Variants in AKAP19 observed in about 807,000 individuals in gnomAD.
AKAP19 encodes the protein A-kinase anchoring protein 19.
the AKAP19 span, among the ~76,000 whole-genome samples, chr2:190,087,891 C>T: frequency 6.6e-6 from 1 of 152,166 alleles, no homozygotes; most frequent in East Asian, 1.9e-4. Context: ...CTCCAGGGCT[C>T]CTACCATAAT....
At chr2:190,004,685 A>T in the AKAP19 span, among the ~76,000 whole-genome samples, 1 of 151,786 alleles carries the variant, frequency 6.6e-6, no homozygotes, top group African/African-American at 2.4e-5. Flanking sequence ...GTTTCACGGA[A>T]CCTTGCCCTC....
At chr2:190,024,957 C>T in the AKAP19 span, among the ~76,000 whole-genome samples, 4 of 152,146 alleles carry the variant, frequency 2.6e-5, no homozygotes, top group East Asian at 5.8e-4. Context: ...TAGAATGAAA[C>T]CTGCTCCTTT....
chr2:189,971,017 G>A, the AKAP19 span, among the ~76,000 whole-genome samples: 1 of 151,906 alleles, frequency 6.6e-6, no homozygotes, highest in South Asian at 2.1e-4. Context: ...AAGTTCTAGG[G>A]TACATGTGCA....
chr2:190,068,422 C>T, the AKAP19 span, among the ~76,000 whole-genome samples: 1 of 152,078 alleles, frequency 6.6e-6, no homozygotes, highest in East Asian at 1.9e-4. Context: ...CTCTGCCTCC[C>T]GGGTTCAAGC....
chr2:189,934,207 G>C, the AKAP19 span, among the ~76,000 whole-genome samples: 1 of 152,074 alleles, frequency 6.6e-6, no homozygotes, highest in Non-Finnish European at 1.5e-5. Flanking sequence ...TATATAAATA[G>C]TAGTGTGAAG....
At chr2:190,176,355 C>A in the AKAP19 span, among the ~76,000 whole-genome samples, 1 of 152,056 alleles carries the variant, frequency 6.6e-6, no homozygotes, top group African/African-American at 2.4e-5. This position sits in a 1 kb window ranked among gnomAD's most constrained non-coding sequence, Gnocchi z 4.7. Flanking sequence ...GAGACATTTT[C>A]TTTTTTTCTT....
the AKAP19 span, among the ~76,000 whole-genome samples, chr2:190,104,666 T>C: frequency 6.6e-6 from 1 of 152,086 alleles, no homozygotes; most frequent in Non-Finnish European, 1.5e-5. Context: ...GGTGTGTGCC[T>C]GTAGTCCCAG....
chr2:190,039,806 G>C, the AKAP19 span, among the ~76,000 whole-genome samples: 1 of 152,162 alleles, frequency 6.6e-6, no homozygotes, highest in African/African-American at 2.4e-5. Flanking sequence ...GTCTACTAAG[G>C]ATAACAGCCT....
chr2:190,138,114 G>A, the AKAP19 span, among the ~76,000 whole-genome samples: 5 of 152,210 alleles, frequency 3.3e-5, no homozygotes, highest in Non-Finnish European at 7.3e-5. Context: ...AATGTAAGAG[G>A]TGGTATGAAA....
the AKAP19 span, chr2:190,163,898 T>C: frequency 2.6e-5 from 4 of 152,302 alleles, no homozygotes; most frequent in East Asian, 5.8e-4. Flanking sequence ...AAACCAGTTA[T>C]TTTAGGATTA....
chr2:189,903,786 C>T, the AKAP19 span, among the ~76,000 whole-genome samples: 1 of 151,802 alleles, frequency 6.6e-6, no homozygotes, highest in Admixed American at 6.6e-5. Flanking sequence ...AACCCATGTT[C>T]CCCCACTACT....
the AKAP19 span, among the ~76,000 whole-genome samples, chr2:190,033,063 T>C: frequency 4.6e-5 from 7 of 152,180 alleles, no homozygotes; most frequent in East Asian, 1.3e-3. Flanking sequence ...ACTGGTATCA[T>C]ACAGTGAGGA....
chr2:189,900,387 T>TC, the AKAP19 span, among the ~76,000 whole-genome samples: 2 of 151,938 alleles, frequency 1.3e-5, no homozygotes, highest in Non-Finnish European at 2.9e-5. Flanking sequence ...TCACATGTAT[T>TC]CCCCCCCAAA....
the AKAP19 span, among the ~76,000 whole-genome samples, chr2:190,177,712 T>C: frequency 1.3e-5 from 2 of 152,178 alleles, no homozygotes; most frequent in Non-Finnish European, 2.9e-5. The surrounding 1 kb of genome is among the most constrained non-coding windows in gnomAD (Gnocchi z 4.6). Flanking sequence ...GTGGAAGTTT[T>C]ATGGGGCTGG....
At chr2:190,003,109 T>TA in the AKAP19 span, among the ~76,000 whole-genome samples, 1 of 152,162 alleles carries the variant, frequency 6.6e-6, no homozygotes, top group African/African-American at 2.4e-5. Context: ...TTTTTCTCAT[T>TA]ACGTTTTCTG....
At chr2:190,062,193 A>G in the AKAP19 span, 5 of 1,610,180 alleles carry the variant, frequency 3.1e-6, no homozygotes, top group South Asian at 5.5e-5. Context: ...AGTCAGCAGA[A>G]CTGTTGATAT....
chr2:190,200,198 TG>T, the AKAP19 span: 3 of 1,537,184 alleles, frequency 2.0e-6, 1 homozygote, highest in South Asian at 3.5e-5. Context: ...TTTGAATAAA[TG>T]TGACAAAAGC....
At chr2:190,155,990 G>A in the AKAP19 span, among the ~76,000 whole-genome samples, 2 of 152,058 alleles carry the variant, frequency 1.3e-5, no homozygotes, top group Non-Finnish European at 2.9e-5. Flanking sequence ...GGGTTTTGGG[G>A]AATTGGATAA....
chr2:190,078,545 A>G, the AKAP19 span, among the ~76,000 whole-genome samples: 2 of 152,210 alleles, frequency 1.3e-5, no homozygotes, highest in East Asian at 3.8e-4. Context: ...AAAAAGAAAT[A>G]TATATTTCTG....
Sources: gnomAD v4.1 joint callset for allele counts (sites outside exome capture counted in the v4.1 genomes callset) on GRCh38, gnomAD v4.1.1 for gene constraint, Gnocchi (gnomAD v3.1) non-coding constraint, MANE v1.5 for transcripts, NCBI Gene and HGNC (gene_info 2026-07-23, HGNC 2026-07-21) for gene names.